MOCOS: variants seen among roughly 807,000 people sequenced by gnomAD.
The protein encoded by MOCOS is human molybdenum cofactor sulfurase.
In MOCOS, 86 loss-of-function variants were observed where a neutral mutation model predicts 83.6. The ratio of observed to expected loss-of-function variants is 1.03; its 90% CI spans 0.86 to 1.23. The LOEUF (loss-of-function observed/expected upper bound fraction) is 1.23, where lower values mean the gene tolerates loss of function less well. Among genes scored for constraint, MOCOS ranks in the 50% most tolerant of loss-of-function variants. MOCOS has a pLI of 0.00. For missense variants in MOCOS, 1,120 were observed against 1,126.9 expected (o/e 0.99, Z 0.09); for synonymous variants, 445 against 434.7 (o/e 1.02, Z -0.29).
chr18:36,232,795 C>T (rs1244961479), intron 9 of MOCOS, among the ~76,000 whole-genome samples: 2 of 151,850 alleles, frequency 1.3e-5, no homozygotes, highest in African/African-American at 2.4e-5. Flanking sequence ...CCTTCAGGCT[C>T]ATCCATGTTG....
chr18:36,215,400 C>T (rs1244188095), intron 7 of MOCOS, 116 bp from the exon 8 acceptor site: 1 of 935,556 alleles, frequency 1.1e-6, no homozygotes, highest in Non-Finnish European at 1.7e-6. Context: ...ATTAATGTTG[C>T]AGTTCTGTTT....
At chr18:36,244,389 A>G (rs1326168527) in intron 9 of MOCOS, among the ~76,000 whole-genome samples, 1 of 152,190 alleles carries the variant, frequency 6.6e-6, no homozygotes, top group Non-Finnish European at 1.5e-5. Context: ...CCCAAGGATC[A>G]GTCAGGAGCA....
At chr18:36,239,345 C>G (rs2091572226) in intron 9 of MOCOS, among the ~76,000 whole-genome samples, 1 of 148,866 alleles carries the variant, frequency 6.7e-6, no homozygotes, top group African/African-American at 2.5e-5. Flanking sequence ...GACAAAATCT[C>G]TCAGCATTTG....
At chr18:36,240,446 C>T (rs1359463802) in intron 9 of MOCOS, among the ~76,000 whole-genome samples, 5 of 150,258 alleles carry the variant, frequency 3.3e-5, no homozygotes, top group South Asian at 2.1e-4. Flanking sequence ...TTAGGCTGCT[C>T]GGGGGTCAGG....
rs1335431637 is a variant in MOCOS, at chr18:36,257,144, G to A, written c.2270+71G>A. On this transcript the variant is annotated intron_variant, in intron 12 of 14. Transcript: ENST00000261326. Reference sequence around the variant, plus strand: ...CCACTGGGAGCAGGGCCTGGCACCTGCCTGGAGCGGAGAGATCTGAGAGTC... The same window carrying A: ...CCACTGGGAGCAGGGCCTGGCACCTACCTGGAGCGGAGAGATCTGAGAGTC... The A allele has an allele frequency of 6.9e-6, 9 of 1,308,388 alleles. No individual in the cohort carries two copies. The East Asian group carries it at 1.8e-4, about 27-fold the overall frequency. The allele number at this position is 1,308,388 out of a possible 1,614,324, so 81.0% of individuals were successfully genotyped here.
At chr18:36,199,414 G>A (rs537741091) in intron 3 of MOCOS, among the ~76,000 whole-genome samples, 18 of 152,332 alleles carry the variant, frequency 1.2e-4, no homozygotes, top group African/African-American at 3.6e-4. Context: ...AGGAGAGAAA[G>A]TAGTATCAAC....
chr18:36,247,718 CCTT>C (rs35646219), intron 9 of MOCOS, among the ~76,000 whole-genome samples: 20,772 of 152,228 alleles, frequency 0.14, 1,597 homozygotes, highest in African/African-American at 0.19. Flanking sequence ...CAACTTCTCA[CCTT>C]CTCACACTTT....
intron 9 of MOCOS, among the ~76,000 whole-genome samples, chr18:36,241,742 C>T (rs2091583876): frequency 6.6e-6 from 1 of 152,242 alleles, no homozygotes; most frequent in South Asian, 2.1e-4. Flanking sequence ...CAGGCATTTT[C>T]TTACATCCTC....
chr18:36,199,465 A>T (rs1365168926), intron 3 of MOCOS, among the ~76,000 whole-genome samples: 1 of 152,236 alleles, frequency 6.6e-6, no homozygotes, highest in Non-Finnish European at 1.5e-5. Flanking sequence ...ATACATATCC[A>T]ATTGGAGATA....
At chr18:36,239,567 A>T (rs955201230) in intron 9 of MOCOS, among the ~76,000 whole-genome samples, 1 of 149,024 alleles carries the variant, frequency 6.7e-6, no homozygotes, top group African/African-American at 2.5e-5. Context: ...TGCCCTTAAA[A>T]TTTTTTCCTT....
At chr18:36,252,490 G>A (rs572604037) in intron 11 of MOCOS, among the ~76,000 whole-genome samples, 182 of 152,184 alleles carry the variant, frequency 1.2e-3, no homozygotes, top group African/African-American at 4.1e-3. Flanking sequence ...CCTGGGAGGT[G>A]GAGGTTGCAG....
intron 13 of MOCOS, among the ~76,000 whole-genome samples, chr18:36,262,250 T>TACACACACACACACACACACGC (rs2091666183): frequency 7.8e-6 from 1 of 127,824 alleles, no homozygotes; most frequent in African/African-American, 3.0e-5. Flanking sequence ...CGTCTCTCTC[T>TACACACACACACACACACACGC]ACACACACAC....
chr18:36,224,611 T>C (rs1380686597), intron 9 of MOCOS, among the ~76,000 whole-genome samples: 1 of 152,186 alleles, frequency 6.6e-6, no homozygotes, highest in African/African-American at 2.4e-5. Flanking sequence ...TGTTGAATCA[T>C]CCTTACATCC....
Position 36,195,614 on chromosome 18 carries a change from G to A in MOCOS, c.232+268G>A, listed in dbSNP as rs13381242. Among the ~76,000 whole-genome samples, 6,245 of 152,264 alleles carry A rather than the reference G, an allele frequency of 0.041. 394 individuals carry two copies. Among genetic ancestry groups the A allele is most frequent in the African/African-American group, 0.13 (5,567 of 41,516 alleles). On this transcript the variant is annotated intron_variant, in intron 2 of 14. Transcript: ENST00000261326. ...AGGAAGGGCACAGAGATTCAAAGGT[G>A]CTGTATTTGGTGGTGGTGAGTGACC...
chr18:36,271,518 T>G lies in MOCOS; in HGVS notation c.*2833T>G, dbSNP rs527410373. 1.3e-5 allele frequency: 2 copies of G among 152,226 alleles called. No individual in the cohort carries two copies. The highest frequency in any genetic ancestry group is 3.9e-4 in the East Asian group (2 of 5,182). The allele number at this position is 152,226 out of a possible 1,614,324, so 9.4% of individuals were successfully genotyped here. On this transcript the variant is annotated 3_prime_UTR_variant, in exon 15 of 15. Coordinates refer to ENST00000261326, the MANE Select transcript of MOCOS (RefSeq NM_017947.4). ...ACATTTATGATTTTATGTCCCCTCC[T>G]TGGTTCTTATCTCCTGGAGTTCAGC...
intron 8 of MOCOS, 137 bp downstream of exon 8, chr18:36,216,114 C>T (rs1465160001): frequency 1.3e-5 from 12 of 943,074 alleles, no homozygotes; most frequent in Admixed American, 9.1e-5. Flanking sequence ...TCTCACTCTC[C>T]CTTTCTTGGT....
chr18:36,197,255 G>A (rs984762673), intron 2 of MOCOS, among the ~76,000 whole-genome samples: 4 of 152,132 alleles, frequency 2.6e-5, no homozygotes, highest in Non-Finnish European at 5.9e-5. Context: ...ATTAAGTGGC[G>A]TTCATGGCTC....
intron 6 of MOCOS, among the ~76,000 whole-genome samples, chr18:36,211,114 C>T (rs1326905177): frequency 1.1e-4 from 17 of 152,074 alleles, no homozygotes; most frequent in South Asian, 2.1e-4. Flanking sequence ...AGTGCAGTTA[C>T]GGTTTTTTCA....
chr18:36,264,717 C>G (rs2091675621), intron 13 of MOCOS, among the ~76,000 whole-genome samples: 2 of 151,886 alleles, frequency 1.3e-5, no homozygotes, highest in Non-Finnish European at 2.9e-5. Context: ...TTCGGTACCA[C>G]AGGGAGCATA....
Sources: gnomAD v4.1 joint callset for allele counts (sites outside exome capture counted in the v4.1 genomes callset) on GRCh38, gnomAD v4.1.1 for gene constraint, MANE v1.5 for transcripts, NCBI Gene and HGNC (gene_info 2026-07-23, HGNC 2026-07-21) for gene names.